Variants in ASXL3 observed in about 807,000 individuals in gnomAD.
ASXL3 encodes putative Polycomb group protein ASXL3.
Under a neutral mutation model 170.6 loss-of-function variants are expected in ASXL3, and 34 were observed. That is an observed-to-expected ratio of 0.20 (90% CI 0.15 to 0.27). ASXL3 has a LOEUF of 0.27. ASXL3 is among the 10% of genes least tolerant of loss of function. The probability of loss-of-function intolerance (pLI) is 1.00; values close to 1 mark genes in which losing one functional copy is unlikely to be tolerated. For synonymous variants in ASXL3, 1,002 were observed against 989.1 expected, an observed-to-expected ratio of 1.01 and a Z score of -0.24; for missense variants, 2,592 against 2,695.3, an observed-to-expected ratio of 0.96 and a Z score of 0.85.
intron 8 of ASXL3, among the ~76,000 whole-genome samples, chr18:33,703,862 TCTAA>T (rs1455153175): frequency 6.6e-6 from 1 of 152,162 alleles, no homozygotes; most frequent in Non-Finnish European, 1.5e-5. Flanking sequence ...TTCCAGATAC[TCTAA>T]CTGGGTAATT....
At chr18:33,636,918 A>C (rs1021067600) in intron 2 of ASXL3, among the ~76,000 whole-genome samples, 2 of 152,122 alleles carry the variant, frequency 1.3e-5, no homozygotes, top group Non-Finnish European at 1.5e-5. Flanking sequence ...GTGCTCAAAA[A>C]GTTTCAAATT....
intron 8 of ASXL3, among the ~76,000 whole-genome samples, chr18:33,698,534 A>G (rs1456723449): frequency 6.6e-6 from 1 of 152,136 alleles, no homozygotes; most frequent in Non-Finnish European, 1.5e-5. Context: ...GTTAAAAGGA[A>G]TTGGGAACCA....
chr18:33,652,779 G>A (rs768304572), intron 4 of ASXL3, among the ~76,000 whole-genome samples: 31 of 151,994 alleles, frequency 2.0e-4, no homozygotes, highest in Non-Finnish European at 4.0e-4. Flanking sequence ...TTAATGAAAC[G>A]TTACTCAGCT....
chr18:33,642,661 T>C (rs942217900), intron 2 of ASXL3, among the ~76,000 whole-genome samples: 4 of 151,942 alleles, frequency 2.6e-5, no homozygotes, highest in Admixed American at 2.6e-4. Flanking sequence ...AAATCTTGTG[T>C]TTATTGAGTT....
At chr18:33,720,040 G>A (rs2067233400) in intron 8 of ASXL3, among the ~76,000 whole-genome samples, 1 of 151,992 alleles carries the variant, frequency 6.6e-6, no homozygotes, top group Non-Finnish European at 1.5e-5. Context: ...ATTGTTAAAG[G>A]GGAGGAGAGG....
At chr18:33,729,568 CCTCT>C (rs2067409212) in intron 8 of ASXL3, among the ~76,000 whole-genome samples, 4 of 152,006 alleles carry the variant, frequency 2.6e-5, no homozygotes, top group Admixed American at 6.6e-5. Flanking sequence ...CGTTAAGCTC[CCTCT>C]GTCTTTAACT....
chr18:33,593,587 C>G (rs528768616), intron 1 of ASXL3, among the ~76,000 whole-genome samples: 1 of 152,132 alleles, frequency 6.6e-6, no homozygotes. Context: ...TTAAACCAGA[C>G]GAGCGACGTT....
chr18:33,580,472 A>G (rs2064982615), intron 1 of ASXL3, among the ~76,000 whole-genome samples: 1 of 152,212 alleles, frequency 6.6e-6, no homozygotes, highest in African/African-American at 2.4e-5. Flanking sequence ...CAAGTGAACA[A>G]TGAGTTGATT....
intron 1 of ASXL3, among the ~76,000 whole-genome samples, chr18:33,592,847 C>G (rs77236833): frequency 0.02 from 3,053 of 152,120 alleles, 111 homozygotes; most frequent in African/African-American, 0.069. Flanking sequence ...TTTGTAAAAT[C>G]TTCCTTTCCA....
At chr18:33,624,588 C>A (rs2065571265) in intron 2 of ASXL3, among the ~76,000 whole-genome samples, 1 of 152,198 alleles carries the variant, frequency 6.6e-6, no homozygotes, top group South Asian at 2.1e-4. Flanking sequence ...ACAGTAGTAT[C>A]CCGACAGTAT....
At chr18:33,625,626 A>C (rs2065590956) in intron 2 of ASXL3, 1 of 152,178 alleles carries the variant, frequency 6.6e-6, no homozygotes, top group Non-Finnish European at 1.5e-5. Context: ...TTGCTATCTC[A>C]GGTCCAAATC....
intron 8 of ASXL3, among the ~76,000 whole-genome samples, chr18:33,724,904 C>CT (rs1360860898): frequency 6.6e-6 from 1 of 152,072 alleles, no homozygotes; most frequent in Admixed American, 6.6e-5. Context: ...GAATCCATCC[C>CT]TTTTAACAGC....
intron 6 of ASXL3, 43 bp from the exon 7 acceptor site, chr18:33,671,704 C>T: frequency 6.6e-7 from 1 of 1,518,960 alleles, no homozygotes; most frequent in Non-Finnish European, 8.9e-7. Context: ...TTTTCAAGGA[C>T]AGCTAGAGAA....
chr18:33,600,784 A>G (rs1420828155), intron 1 of ASXL3, among the ~76,000 whole-genome samples: 1 of 152,112 alleles, frequency 6.6e-6, no homozygotes, highest in Non-Finnish European at 1.5e-5. Flanking sequence ...TCCAAAAACC[A>G]TGTCTTTCAG....
intron 8 of ASXL3, among the ~76,000 whole-genome samples, chr18:33,713,253 T>G (rs796869316): frequency 0.014 from 1,150 of 83,414 alleles, 6 homozygotes; most frequent in African/African-American, 0.048. Context: ...GTTTTGTTTT[T>G]TTTTTTTTTT....
At chr18:33,731,063 T>A (rs974119070) in intron 8 of ASXL3, among the ~76,000 whole-genome samples, 4 of 152,204 alleles carry the variant, frequency 2.6e-5, no homozygotes, top group Admixed American at 1.3e-4. Context: ...TAAGATAATA[T>A]ACTTGTTCTT....
chr18:33,624,536 G>T (rs1168578436), intron 2 of ASXL3, among the ~76,000 whole-genome samples: 2 of 151,994 alleles, frequency 1.3e-5, no homozygotes, highest in Non-Finnish European at 2.9e-5. Context: ...TATTGATGTA[G>T]AATTTCCCTT....
chr18:33,585,858 T>G (rs1198074706), intron 1 of ASXL3, among the ~76,000 whole-genome samples: 1 of 152,210 alleles, frequency 6.6e-6, no homozygotes, highest in Non-Finnish European at 1.5e-5. Context: ...TATTGCTTTA[T>G]TTTGCATAGA....
chr18:33,652,652 G>A (rs1281814916), intron 4 of ASXL3, among the ~76,000 whole-genome samples: 1 of 144,602 alleles, frequency 6.9e-6, no homozygotes, highest in Non-Finnish European at 1.5e-5. Flanking sequence ...TTAGATCCCA[G>A]GGCAAATAAT....
Sources: allele counts gnomAD v4.1 joint callset (sites outside exome capture counted in the v4.1 genomes callset), GRCh38; gene constraint gnomAD v4.1.1; transcripts MANE v1.5; gene names NCBI Gene and HGNC (gene_info 2026-07-23, HGNC 2026-07-21).